Variants in GRID2 observed in about 807,000 individuals in gnomAD.
GRID2 encodes the protein glutamate ionotropic receptor delta type subunit 2, also known as glutamate receptor ionotropic, delta-2.
In GRID2, 33 loss-of-function variants were observed where a neutral mutation model predicts 114.8. The ratio of observed to expected loss-of-function variants is 0.29; its 90% confidence interval spans 0.22 to 0.38. GRID2 has a LOEUF of 0.38. Ranked by LOEUF, GRID2 falls within the 10% of genes least tolerant of loss-of-function variation. The pLI is 1.00. For missense variants in GRID2, 1,184 were observed against 1,257.7 expected, an observed-to-expected ratio of 0.94 and a Z score of 0.89; for synonymous variants, 505 against 449.9, an observed-to-expected ratio of 1.12 and a Z score of -1.55.
intron 1 of GRID2, among the ~76,000 whole-genome samples, chr4:92,471,305 T>A (rs1017089897): frequency 6.6e-6 from 1 of 152,076 alleles, no homozygotes; most frequent in Non-Finnish European, 1.5e-5. Flanking sequence ...AAAATACTAA[T>A]ACTATATAAT....
chr4:93,550,696 T>A (rs1733672295), intron 13 of GRID2, among the ~76,000 whole-genome samples: 1 of 152,182 alleles, frequency 6.6e-6, no homozygotes, highest in Non-Finnish European at 1.5e-5. Context: ...GAGCCCTCTT[T>A]AAAAGATATA....
chr4:93,091,565 G>A (rs1730793304), intron 3 of GRID2, among the ~76,000 whole-genome samples: 1 of 151,896 alleles, frequency 6.6e-6, no homozygotes, highest in Admixed American at 6.6e-5. Flanking sequence ...TTCTTATTTG[G>A]TGCTCTCCCT....
At chr4:92,670,301 A>C (rs1470725533) in intron 2 of GRID2, among the ~76,000 whole-genome samples, 1 of 152,042 alleles carries the variant, frequency 6.6e-6, no homozygotes. Flanking sequence ...AGCATTTAGC[A>C]AACTGATCAT....
intron 2 of GRID2, among the ~76,000 whole-genome samples, chr4:92,862,515 T>G (rs1373355632): frequency 6.6e-6 from 1 of 152,058 alleles, no homozygotes; most frequent in African/African-American, 2.4e-5. Flanking sequence ...CTGCTCCCTG[T>G]GTTTCCCTTT....
chr4:92,884,950 G>T (rs1184963728), intron 2 of GRID2: 3 of 314,854 alleles, frequency 9.5e-6, no homozygotes, highest in Non-Finnish European at 6.5e-6. Flanking sequence ...AAAAAAAATC[G>T]CATCTAAAAG....
intron 2 of GRID2, among the ~76,000 whole-genome samples, chr4:92,659,965 A>C: frequency 6.6e-6 from 1 of 151,466 alleles, no homozygotes; most frequent in Non-Finnish European, 1.5e-5. Context: ...TCTAACACTG[A>C]ACGTTAACGT....
chr4:92,554,614 G>A (rs1469018877), intron 1 of GRID2, among the ~76,000 whole-genome samples: 1 of 151,846 alleles, frequency 6.6e-6, no homozygotes, highest in Non-Finnish European at 1.5e-5. Flanking sequence ...GTAATTTTTG[G>A]TAGAAAAAAA....
chr4:93,190,709 A>G (rs994912873), intron 4 of GRID2, among the ~76,000 whole-genome samples: 1 of 152,078 alleles, frequency 6.6e-6, no homozygotes, highest in Non-Finnish European at 1.5e-5. Flanking sequence ...AATATGACCT[A>G]CGCTATTTCC....
chr4:93,127,733 C>G (rs1434662307), intron 4 of GRID2, among the ~76,000 whole-genome samples: 1 of 152,044 alleles, frequency 6.6e-6, no homozygotes, highest in Admixed American at 6.5e-5. Context: ...CATGGTGGCT[C>G]ATGCCTGTAA....
At chr4:93,694,924 C>A (rs1284317554) in intron 14 of GRID2, among the ~76,000 whole-genome samples, 1 of 152,104 alleles carries the variant, frequency 6.6e-6, no homozygotes, top group African/African-American at 2.4e-5. Flanking sequence ...GTAATCCTAG[C>A]ACTTTGGGAG....
At position 92,689,075 on chromosome 4, in the gene GRID2, T is replaced by G. The variant is rs984866618; in HGVS notation, c.244+98789T>G. Among the ~76,000 whole-genome samples the G allele has an allele frequency of 2.6e-5, 4 of 152,308 alleles. No individual in the cohort carries two copies. The East Asian group carries it at 7.7e-4, about 29-fold the overall frequency. ...ATCAATGAGCACTAATATTTTGTTG[T>G]ATGAGCACTACATCTCAACAGTGGG... On this transcript the variant is annotated intron_variant, in intron 2 of 15. Coordinates refer to ENST00000282020, the MANE Select transcript of GRID2 (RefSeq NM_001510.4).
At chr4:92,458,842 G>A (rs1013571826) in intron 1 of GRID2, among the ~76,000 whole-genome samples, 1 of 152,130 alleles carries the variant, frequency 6.6e-6, no homozygotes, top group Non-Finnish European at 1.5e-5. Context: ...AAGAAAAAAA[G>A]TCCATGTGAT....
At chr4:93,158,042 A>T (rs1472474884) in intron 4 of GRID2, among the ~76,000 whole-genome samples, 2 of 151,866 alleles carry the variant, frequency 1.3e-5, no homozygotes, top group African/African-American at 4.8e-5. Context: ...ATGTTAATAA[A>T]TGCAAACTAG....
intron 2 of GRID2, among the ~76,000 whole-genome samples, chr4:92,812,998 GA>G (rs1161107014): frequency 6.6e-6 from 1 of 152,030 alleles, no homozygotes; most frequent in Non-Finnish European, 1.5e-5. Flanking sequence ...TGTTCCTCTG[GA>G]TAGTGAATAA....
chr4:92,897,916 G>T (rs1747287304), intron 2 of GRID2, among the ~76,000 whole-genome samples: 1 of 152,124 alleles, frequency 6.6e-6, no homozygotes, highest in Admixed American at 6.5e-5. Context: ...AGATGATTTA[G>T]GATGCTAAAT....
intron 8 of GRID2, among the ~76,000 whole-genome samples, chr4:93,382,980 T>C (rs1360635453): frequency 6.6e-6 from 1 of 152,026 alleles, no homozygotes; most frequent in Non-Finnish European, 1.5e-5. Flanking sequence ...TGTACGTAAA[T>C]TTAAGGTCTT....
At chr4:93,388,878 G>A (rs529298709) in intron 8 of GRID2, among the ~76,000 whole-genome samples, 2 of 152,232 alleles carry the variant, frequency 1.3e-5, no homozygotes, top group East Asian at 3.9e-4. Context: ...TTGGCTAGTG[G>A]GACTGAGCTG....
At chr4:93,149,207 AT>A (rs1177107994) in intron 4 of GRID2, among the ~76,000 whole-genome samples, 3 of 152,040 alleles carry the variant, frequency 2.0e-5, no homozygotes, top group Non-Finnish European at 4.4e-5. Context: ...CAAAATCTCC[AT>A]TTTCCTCTCA....
chr4:93,770,451 T>G (rs1398202514), intron 15 of GRID2, among the ~76,000 whole-genome samples: 2 of 152,150 alleles, frequency 1.3e-5, no homozygotes, highest in African/African-American at 4.8e-5. Context: ...CATTAATGTG[T>G]TTTTTTCAAA....
Sources: gnomAD v4.1 joint callset for allele counts (sites outside exome capture counted in the v4.1 genomes callset) on GRCh38, gnomAD v4.1.1 for gene constraint, MANE v1.5 for transcripts, NCBI Gene and HGNC (gene_info 2026-07-23, HGNC 2026-07-21) for gene names.